CTNNA3: variants seen among roughly 807,000 people sequenced by gnomAD.
CTNNA3 encodes the protein catenin alpha-3.
Under a neutral mutation model 95.7 loss-of-function variants are expected in CTNNA3, and 76 were observed. The ratio of observed to expected loss-of-function variants is 0.79; its 90% confidence interval spans 0.66 to 0.96. The LOEUF (loss-of-function observed/expected upper bound fraction) is 0.96. CTNNA3 is among the 40% of genes least tolerant of loss of function. The pLI, the probability that CTNNA3 is intolerant of heterozygous loss-of-function variation, is 0.00. For synonymous variants in CTNNA3, 431 were observed against 374.4 expected (o/e 1.15, Z -1.74); for missense variants, 1,191 against 1,089.8 (o/e 1.09, Z -1.31).
intron 7 of CTNNA3, among the ~76,000 whole-genome samples, chr10:67,091,651 G>A (rs1857647821): frequency 6.6e-6 from 1 of 152,072 alleles, no homozygotes; most frequent in African/African-American, 2.4e-5. Context: ...TCACTAAGGT[G>A]AAAAAGGTAA....
intron 15 of CTNNA3, among the ~76,000 whole-genome samples, chr10:66,001,722 A>G (rs2078772985): frequency 6.6e-6 from 1 of 152,046 alleles, no homozygotes; most frequent in Non-Finnish European, 1.5e-5. Context: ...ATAAAAATCT[A>G]CCTTTTCATT....
At chr10:66,134,555 T>C (rs1449910680) in intron 13 of CTNNA3, among the ~76,000 whole-genome samples, 5 of 152,066 alleles carry the variant, frequency 3.3e-5, no homozygotes, top group Admixed American at 2.0e-4. Context: ...TAAGAATATA[T>C]AGGTATCAGA....
chr10:66,259,109 A>T (rs907862587), intron 13 of CTNNA3, among the ~76,000 whole-genome samples: 2 of 152,074 alleles, frequency 1.3e-5, no homozygotes, highest in African/African-American at 4.8e-5. Context: ...CATTAAGTTT[A>T]TATCATCCAG....
At chr10:67,696,343 A>C (rs747505735), upstream of CTNNA3, among the ~76,000 whole-genome samples, 2 of 152,184 alleles carry the variant, frequency 1.3e-5, no homozygotes, top group Non-Finnish European at 2.9e-5. Flanking sequence ...ATAAGTTTAG[A>C]TTTGCATTTC....
At position 67,189,146 on chromosome 10, in the gene CTNNA3, A is replaced by C. The variant is rs535416477; in HGVS notation, c.844-8626T>G. On this transcript the variant is annotated intron_variant, in intron 6 of 17. Coordinates refer to ENST00000433211, the MANE Select transcript of CTNNA3 (RefSeq NM_013266.4). ...ACAAACAAACAACAACAACAACAAA[A>C]AAAAAAACAGAAAATTCTGTCATTT... 2.0e-4 allele frequency among the ~76,000 whole-genome samples: 30 copies of C among 151,124 alleles called. 1 individual carries two copies. The highest frequency in any genetic ancestry group is 5.1e-4 in the African/African-American group (21 of 41,252).
intron 7 of CTNNA3, among the ~76,000 whole-genome samples, chr10:66,956,498 A>ATAATTACAT (rs1255386171): frequency 6.6e-6 from 1 of 152,126 alleles, no homozygotes; most frequent in Non-Finnish European, 1.5e-5. Context: ...GCAATAAACA[A>ATAATTACAT]TAATTACATT....
chr10:66,190,354 T>C (rs2086602974), intron 13 of CTNNA3, among the ~76,000 whole-genome samples: 2 of 152,124 alleles, frequency 1.3e-5, no homozygotes, highest in South Asian at 4.1e-4. Context: ...TGAATCTTAG[T>C]TGACATATAA....
chr10:66,287,455 TTCAAAATTAGGCACTCAGAC>T (rs1224621017), intron 12 of CTNNA3, among the ~76,000 whole-genome samples: 1 of 152,068 alleles, frequency 6.6e-6, no homozygotes, highest in African/African-American at 2.4e-5. Context: ...AGAGTAAGAA[TTCAAAATTAGGCACTCAGAC>T]TCAGAGCCTG....
intron 15 of CTNNA3, among the ~76,000 whole-genome samples, chr10:66,042,179 G>C (rs2079707182): frequency 6.6e-6 from 1 of 152,044 alleles, no homozygotes; most frequent in Non-Finnish European, 1.5e-5. Context: ...CATCATCCAG[G>C]TAGTTTTTCT....
At chr10:67,655,584 C>A (rs1472787017) in intron 1 of CTNNA3, among the ~76,000 whole-genome samples, 2 of 152,124 alleles carry the variant, frequency 1.3e-5, no homozygotes, top group African/African-American at 4.8e-5. Context: ...CTCCTGAGGT[C>A]AGGAGTTCAG....
chr10:66,330,671 G>C (rs1261210208), intron 12 of CTNNA3, among the ~76,000 whole-genome samples: 1 of 152,046 alleles, frequency 6.6e-6, no homozygotes, highest in Non-Finnish European at 1.5e-5. Flanking sequence ...GGTTGAACTA[G>C]TTTACAGTCC....
At chr10:66,720,917 T>C (rs1415957019) in intron 9 of CTNNA3, among the ~76,000 whole-genome samples, 2 of 152,122 alleles carry the variant, frequency 1.3e-5, no homozygotes, top group African/African-American at 4.8e-5. Flanking sequence ...ATGGGAGTGT[T>C]GATCAGGACC....
At chr10:67,404,601 T>G (rs1845061901) in intron 5 of CTNNA3, among the ~76,000 whole-genome samples, 1 of 152,082 alleles carries the variant, frequency 6.6e-6, no homozygotes, top group African/African-American at 2.4e-5. Flanking sequence ...CTGAAAAAGA[T>G]GAGGAGAATG....
intron 12 of CTNNA3, among the ~76,000 whole-genome samples, chr10:66,291,953 G>A (rs889864367): frequency 7.3e-5 from 11 of 150,310 alleles, no homozygotes; most frequent in Non-Finnish European, 1.0e-4. Flanking sequence ...ATCTCATATT[G>A]TATATCAATA....
At chr10:66,561,745 C>A (rs1366266129) in intron 10 of CTNNA3, among the ~76,000 whole-genome samples, 1 of 151,972 alleles carries the variant, frequency 6.6e-6, no homozygotes, top group Non-Finnish European at 1.5e-5. Flanking sequence ...AAAACTTTAC[C>A]TAATGGAAAC....
chr10:65,936,282 T>A (rs1348456637), intron 17 of CTNNA3, among the ~76,000 whole-genome samples: 2 of 152,044 alleles, frequency 1.3e-5, no homozygotes, highest in Non-Finnish European at 2.9e-5. Context: ...TGCAAAAGAG[T>A]TCTATGAATT....
intron 17 of CTNNA3, among the ~76,000 whole-genome samples, chr10:65,933,043 C>T (rs961718905): frequency 6.6e-5 from 10 of 152,018 alleles, no homozygotes; most frequent in South Asian, 4.2e-4. Context: ...CTGAATGGTG[C>T]GTGTATGTAT....
At chr10:66,574,501 C>T (rs1011289609) in intron 10 of CTNNA3, among the ~76,000 whole-genome samples, 2 of 151,954 alleles carry the variant, frequency 1.3e-5, no homozygotes, top group Non-Finnish European at 2.9e-5. Context: ...TAGGAAATAA[C>T]GTTCTTTACA....
At chr10:67,448,576 TATC>T (rs1203357687) in intron 5 of CTNNA3, among the ~76,000 whole-genome samples, 1 of 151,792 alleles carries the variant, frequency 6.6e-6, no homozygotes, top group Non-Finnish European at 1.5e-5. Context: ...TAATAAAACA[TATC>T]ATTTAATAAA....
Sources: gnomAD v4.1 joint callset for allele counts (sites outside exome capture counted in the v4.1 genomes callset) on GRCh38, gnomAD v4.1.1 for gene constraint, MANE v1.5 for transcripts, NCBI Gene and HGNC (gene_info 2026-07-23, HGNC 2026-07-21) for gene names.